VWF: variants seen among roughly 807,000 people sequenced by gnomAD.
The protein encoded by VWF is Factor VIII related antigen.
VWF carries 176 observed loss-of-function variants against 308.6 expected under a neutral mutation model. The observed-to-expected ratio is 0.57, with a 90% CI of 0.50 to 0.65. The LOEUF is 0.65. Ranked by LOEUF, VWF falls within the 30% of genes least tolerant of loss-of-function variation. The probability of loss-of-function intolerance (pLI) is 0.00; values close to 1 mark genes in which losing one functional copy is unlikely to be tolerated. For synonymous variants in VWF, 1,385 were observed against 1,443.4 expected (o/e 0.96, Z 0.92); for missense variants, 3,146 against 3,648.2 (o/e 0.86, Z 3.55).
intron 16 of VWF, among the ~76,000 whole-genome samples, chr12:6,047,476 C>A (rs952513837): frequency 6.6e-6 from 1 of 152,324 alleles, no homozygotes; most frequent in South Asian, 2.1e-4. Flanking sequence ...CCAAGATCAT[C>A]CCTGCCACTG....
rs967266842 is a variant in VWF, at chr12:6,046,715, G to A, written c.2281+8C>T. 8 of 1,613,502 alleles carry A rather than the reference G, an allele frequency of 5.0e-6. No homozygotes were observed. The highest frequency in any genetic ancestry group is 6.8e-6 in the Non-Finnish European group (8 of 1,179,594). On this transcript the variant is annotated splice_region_variant and intron_variant, in intron 17 of 51. Transcript: ENST00000261405. This position sits in a 1 kb window ranked among gnomAD's most constrained non-coding sequence, Gnocchi z 5.0. ...AGTCAATGGGCCTTCCAGGGGGACA[G>A]TACTCACTGCGATGAGACAGGGGAC...
At chr12:5,997,477 G>T (rs188463580) in intron 34 of VWF, among the ~76,000 whole-genome samples, 2 of 152,290 alleles carry the variant, frequency 1.3e-5, no homozygotes, top group Admixed American at 1.3e-4. Context: ...GAAACTAGGG[G>T]TTGGTTTCTG....
intron 5 of VWF, among the ~76,000 whole-genome samples, chr12:6,107,614 G>A (rs1395010657): frequency 6.6e-6 from 1 of 152,118 alleles, no homozygotes; most frequent in East Asian, 1.9e-4. Context: ...GTAAAAATGA[G>A]AGTCATTACA....
chr12:6,057,311 ATT>A (rs1250165048), intron 14 of VWF, among the ~76,000 whole-genome samples: 11 of 129,396 alleles, frequency 8.5e-5, no homozygotes, highest in Non-Finnish European at 1.3e-4. Context: ...GGACTATGGA[ATT>A]TTTTTTTTTT....
chr12:6,095,270 A>G, intron 6 of VWF, 190 bp downstream of exon 6: 2 of 827,122 alleles, frequency 2.4e-6, no homozygotes, highest in Non-Finnish European at 4.0e-6. Context: ...TCATTAGCCC[A>G]GACTCATTTT....
rs1209418005 is a variant in VWF at position 6,060,181 on chromosome 12, C to T, written c.1534-2137G>A. Among the ~76,000 whole-genome samples the T allele has an allele frequency of 6.6e-6, 1 of 152,156 alleles. No homozygotes were observed. Among genetic ancestry groups the T allele is most frequent in the East Asian group, 1.9e-4 (1 of 5,188 alleles). ...TTTGAAATAAACCTCTGGTCAGTGA[C>T]AGTTCTGACTAAATGAAGCCTGTGC... On this transcript the variant is annotated intron_variant, in intron 13 of 51. Transcript: ENST00000261405. The surrounding 1 kb of genome is among the most constrained non-coding windows in gnomAD (Gnocchi z 5.1).
At chr12:6,005,254 A>G (rs1224191169) in intron 34 of VWF, among the ~76,000 whole-genome samples, 3 of 152,188 alleles carry the variant, frequency 2.0e-5, no homozygotes, top group East Asian at 1.9e-4. Flanking sequence ...GTTTTGGTAT[A>G]TGAATAGCTT....
At chr12:6,123,325 C>T in intron 1 of VWF, 129 bp from the exon 2 acceptor site, 5 of 1,099,186 alleles carry the variant, frequency 4.5e-6, no homozygotes, top group Non-Finnish European at 4.1e-6. Flanking sequence ...ATCCTCGTGA[C>T]CCCCTTTTCC....
At chr12:6,092,131 AAAAAT>A (rs1173649691) in intron 6 of VWF, among the ~76,000 whole-genome samples, 1 of 152,104 alleles carries the variant, frequency 6.6e-6, no homozygotes, top group Non-Finnish European at 1.5e-5. Flanking sequence ...GTTTTCAGAA[AAAAAT>A]AAAATCCTAA....
chr12:6,038,759 G>A (rs1944365597), intron 18 of VWF, among the ~76,000 whole-genome samples: 1 of 152,246 alleles, frequency 6.6e-6, no homozygotes, highest in Non-Finnish European at 1.5e-5. Flanking sequence ...TTGATATTAA[G>A]TGAGGACTGC....
intron 6 of VWF, 188 bp downstream of exon 6, chr12:6,095,272 A>G (rs76300794): frequency 0.049 from 41,436 of 839,434 alleles, 2,741 homozygotes; most frequent in African/African-American, 0.27. Context: ...ATTAGCCCAG[A>G]CTCATTTTTA....
intron 15 of VWF, among the ~76,000 whole-genome samples, chr12:6,056,454 A>G (rs779825010): frequency 1.5e-4 from 23 of 151,950 alleles, no homozygotes; most frequent in Admixed American, 2.6e-4. Flanking sequence ...TTGTATGTGA[A>G]TTTCCCTTGC....
At chr12:6,001,823 C>T (rs1791965243) in intron 34 of VWF, among the ~76,000 whole-genome samples, 2 of 152,152 alleles carry the variant, frequency 1.3e-5, no homozygotes, top group African/African-American at 4.8e-5. Flanking sequence ...TTCACAAAAA[C>T]TGATCATGTA....
rs1443005850 is a variant in VWF, at chr12:6,063,048, A to C, written c.1439T>G (p.Leu480Arg). The change falls in exon 13 of 52, where the codon CTC (leucine) becomes CGC (arginine). Residue 480 changes from leucine (L) to arginine (R), a missense_variant. Around this residue, in one of 3 missense-constraint regions of VWF, gnomAD observed 1,304 missense variants for 1,353.0 expected, o/e 0.96. Coordinates refer to ENST00000261405, the MANE Select transcript of VWF (RefSeq NM_000552.5). The surrounding 1 kb of genome is among the most constrained non-coding windows in gnomAD (Gnocchi z 4.9). ...GGCCGTCACTGTATGCTGGATGCGG[A>C]GGTCACCTGGAACCCAGCAGGACAG... is the stretch of plus-strand genomic sequence containing the variant. ...DVQLPLLKGD[L>R]RIQHTVTASV... The C allele has an allele frequency of 1.9e-6, 3 of 1,613,216 alleles. No individual in the cohort carries two copies. Among genetic ancestry groups the C allele is most frequent in the Non-Finnish European group, 2.5e-6 (3 of 1,179,946 alleles).
At chr12:6,062,839 G>C in intron 13 of VWF, 115 bp downstream of exon 13, 1 of 839,660 alleles carries the variant, frequency 1.2e-6, no homozygotes, top group Non-Finnish European at 1.9e-6. Context: ...GGGGGTGTAG[G>C]CCATGAGGAG....
At chr12:6,022,150 T>G (rs1249746112) in intron 26 of VWF, 115 bp from the exon 27 acceptor site, 12 of 1,434,038 alleles carry the variant, frequency 8.4e-6, no homozygotes, top group Non-Finnish European at 1.1e-5. Context: ...AGCCAACTCC[T>G]CCTGCCTGCA....
At chr12:6,096,257 T>C (rs1021690827) in intron 5 of VWF, among the ~76,000 whole-genome samples, 21 of 152,190 alleles carry the variant, frequency 1.4e-4, no homozygotes, top group Non-Finnish European at 4.4e-5. Flanking sequence ...TCCCTCCATG[T>C]GGAATGTTCT....
At chr12:5,982,776 T>C (rs555859479) in intron 41 of VWF, among the ~76,000 whole-genome samples, 5 of 152,330 alleles carry the variant, frequency 3.3e-5, no homozygotes, top group Admixed American at 1.3e-4. Context: ...ATAAATTTGT[T>C]TGGGAATAAG....
In VWF at chr12:5,985,546, G is replaced by T; in HGVS notation, c.6901+17C>A. On this transcript the variant is annotated intron_variant, in intron 39 of 51. Coordinates refer to ENST00000261405, the MANE Select transcript of VWF (RefSeq NM_000552.5). ...CTTGTTCCTCCATGAAGGCACCAGG[G>T]AGGGGAGGACTCTCACCTTTGGCCG... The T allele has an allele frequency of 6.2e-7, 1 of 1,612,152 alleles. No homozygotes were observed. The highest frequency in any genetic ancestry group is 1.1e-5 in the South Asian group (1 of 90,922).
Sources: gnomAD v4.1 joint callset for allele counts (sites outside exome capture counted in the v4.1 genomes callset) on GRCh38, gnomAD v4.1.1 for gene constraint, gnomAD v4.1.1 regional missense constraint, Gnocchi (gnomAD v3.1) non-coding constraint, MANE v1.5 for transcripts, NCBI Gene and HGNC (gene_info 2026-07-23, HGNC 2026-07-21) for gene names.